The following GRM7 variants were observed in gnomAD, a reference collection of about 807,000 sequenced individuals.
GRM7 encodes metabotropic glutamate receptor 7.
GRM7 carries 35 observed loss-of-function variants against 84.5 expected under a neutral mutation model. The ratio of observed to expected loss-of-function variants is 0.41; its 90% confidence interval spans 0.32 to 0.55. The LOEUF (loss-of-function observed/expected upper bound fraction) is 0.55. Ranked by LOEUF, GRM7 falls within the 20% of genes least tolerant of loss-of-function variation. The probability of loss-of-function intolerance (pLI) is 0.19; values close to 1 mark genes in which losing one functional copy is unlikely to be tolerated. For synonymous variants in GRM7, 487 were observed against 455.1 expected, an observed-to-expected ratio of 1.07 and a Z score of -0.89; for missense variants, 1,003 against 1,194.6, an observed-to-expected ratio of 0.84 and a Z score of 2.36.
intron 5 of GRM7, among the ~76,000 whole-genome samples, chr3:7,425,421 A>G (rs1696567447): frequency 6.6e-6 from 1 of 152,210 alleles, no homozygotes; most frequent in Non-Finnish European, 1.5e-5. Flanking sequence ...CCCTGACTAT[A>G]AAATTCTCTC....
intron 4 of GRM7, among the ~76,000 whole-genome samples, chr3:7,307,126 C>T (rs1166932710): frequency 4.6e-5 from 7 of 152,110 alleles, no homozygotes. Flanking sequence ...TCTCAGGCAC[C>T]AGCATCCCCT....
intron 1 of GRM7, among the ~76,000 whole-genome samples, chr3:6,893,439 C>T (rs1696048380): frequency 6.6e-6 from 1 of 152,148 alleles, no homozygotes; most frequent in Non-Finnish European, 1.5e-5. Context: ...TAACGTGAAT[C>T]CTAATTCGGC....
intron 2 of GRM7, among the ~76,000 whole-genome samples, chr3:7,261,779 A>G (rs1448497356): frequency 1.3e-5 from 2 of 152,156 alleles, no homozygotes; most frequent in African/African-American, 4.8e-5. Context: ...TTGCAAGGCA[A>G]GTATGATGAT....
chr3:7,130,728 C>G (rs1299690824), intron 1 of GRM7, among the ~76,000 whole-genome samples: 1 of 151,894 alleles, frequency 6.6e-6, no homozygotes, highest in African/African-American at 2.4e-5. Context: ...CAATTACATG[C>G]AAAAAAGTTT....
intron 5 of GRM7, among the ~76,000 whole-genome samples, chr3:7,441,189 G>A (rs1697272185): frequency 6.6e-6 from 1 of 152,040 alleles, no homozygotes; most frequent in Admixed American, 6.6e-5. Flanking sequence ...TCTGACTGGT[G>A]TGAGATGGTA....
chr3:7,287,757 A>T (rs1438634029), intron 2 of GRM7, among the ~76,000 whole-genome samples: 5 of 152,312 alleles, frequency 3.3e-5, no homozygotes, highest in African/African-American at 1.2e-4. Flanking sequence ...ATTTAAAAAA[A>T]AATTGCTCTA....
rs76041421 is a variant in GRM7, at chr3:7,071,474, C to G, written c.520-74978C>G. Among the ~76,000 whole-genome samples the G allele has an allele frequency of 6.2e-3, 945 of 152,076 alleles. 10 individuals are homozygous for G. Among genetic ancestry groups the G allele is most frequent in the African/African-American group, 0.022 (896 of 41,492 alleles). On this transcript the variant is annotated intron_variant, in intron 1 of 9. Transcript: ENST00000357716. The stretch of plus-strand genomic sequence containing the variant: ...GTCTTCCACTTTCTAAACATTCTTA[C>G]CCAGCTTCCTTCATGTTTTCTCCTC...
intron 1 of GRM7, among the ~76,000 whole-genome samples, chr3:7,083,678 A>G (rs1294331321): frequency 6.6e-6 from 1 of 152,188 alleles, no homozygotes; most frequent in African/African-American, 2.4e-5. Context: ...CTGAGAATCT[A>G]GTGATGATCA....
chr3:7,223,314 C>T (rs922356947), intron 2 of GRM7, among the ~76,000 whole-genome samples: 1 of 151,868 alleles, frequency 6.6e-6, no homozygotes, highest in South Asian at 2.1e-4. Context: ...CTTTTTCCCC[C>T]TGAATGCTGA....
At chr3:7,516,163 T>C (rs1482453135) in intron 7 of GRM7, among the ~76,000 whole-genome samples, 11 of 31,070 alleles carry the variant, frequency 3.5e-4, no homozygotes, top group African/African-American at 9.8e-4. Context: ...ACACCATATC[T>C]CAAAAAAAAA....
intron 8 of GRM7, among the ~76,000 whole-genome samples, chr3:7,594,889 AT>A (rs1695965233): frequency 6.6e-6 from 1 of 152,016 alleles, no homozygotes; most frequent in Admixed American, 6.6e-5. Flanking sequence ...TCAACTCACC[AT>A]TGTGGAAGGG....
chr3:7,301,663 T>C (rs1700005341), intron 3 of GRM7, among the ~76,000 whole-genome samples: 1 of 113,222 alleles, frequency 8.8e-6, no homozygotes, highest in South Asian at 2.9e-4. Context: ...TCTTTTTGCA[T>C]TGGACTTGTT....
At chr3:7,665,464 C>A (rs576468201) in intron 8 of GRM7, among the ~76,000 whole-genome samples, 1 of 152,074 alleles carries the variant, frequency 6.6e-6, no homozygotes, top group South Asian at 2.1e-4. Flanking sequence ...CGTGAGCCAC[C>A]GCGCCCGGCC....
At chr3:7,510,774 T>C (rs1199710148) in intron 7 of GRM7, among the ~76,000 whole-genome samples, 1 of 152,114 alleles carries the variant, frequency 6.6e-6, no homozygotes, top group African/African-American at 2.4e-5. Context: ...TGTCATGACA[T>C]AAAGATTATA....
In GRM7 at chr3:7,700,989, A is replaced by C. The variant is rs540261259; in HGVS notation, c.2698+20694A>C. Among the ~76,000 whole-genome samples the C allele has an allele frequency of 3.3e-5, 5 of 152,350 alleles. No homozygotes were observed. The South Asian group carries it at 1.0e-3, about 32-fold the overall frequency. On this transcript the variant is annotated intron_variant, in intron 9 of 9. Transcript: ENST00000357716. ...AAGCAAGCATCCAGAAGGTGGAATC[A>C]ATAAAATCCTATGAGGGCAGTGAAA... is the stretch of plus-strand genomic sequence containing the variant.
chr3:6,992,072 A>G (rs1054184106), intron 1 of GRM7, among the ~76,000 whole-genome samples: 1 of 152,222 alleles, frequency 6.6e-6, no homozygotes, highest in East Asian at 1.9e-4. Context: ...AGAAAGAAGA[A>G]AGGCAGAAGT....
rs374209095 is a variant in GRM7 at position 7,659,318 on chromosome 3, T to C, written c.2452-20731T>C. ...AGCCTGTGAGTTGGAGGGAATGTTA[T>C]TGTACAGAAATATGGTCTATAGCTA... On this transcript the variant is annotated intron_variant, in intron 8 of 9. Transcript: ENST00000357716. 2.9e-3 allele frequency among the ~76,000 whole-genome samples: 434 copies of C among 152,236 alleles called. 7 individuals are homozygous for C. Among genetic ancestry groups the C allele is most frequent in the Middle Eastern group, 0.017 (5 of 294 alleles).
chr3:7,426,544 TC>T (rs1696620099), intron 5 of GRM7, among the ~76,000 whole-genome samples: 1 of 152,092 alleles, frequency 6.6e-6, no homozygotes, highest in Admixed American at 6.6e-5. Flanking sequence ...CAGTGTCACC[TC>T]TTTAAGGGAG....
chr3:7,140,922 TA>T (rs1450772740), intron 1 of GRM7, among the ~76,000 whole-genome samples: 5 of 151,978 alleles, frequency 3.3e-5, no homozygotes, highest in African/African-American at 1.2e-4. Flanking sequence ...CTTTCAATTC[TA>T]AAAGTGTCCT....
Sources: allele counts gnomAD v4.1 joint callset (sites outside exome capture counted in the v4.1 genomes callset), GRCh38; gene constraint gnomAD v4.1.1; transcripts MANE v1.5; gene names NCBI Gene and HGNC (gene_info 2026-07-23, HGNC 2026-07-21).